SAP130: variants seen among roughly 807,000 people sequenced by gnomAD.
SAP130 encodes Sin3A associated protein 130, also known as histone deacetylase complex subunit SAP130.
Under a neutral mutation model 103.2 loss-of-function variants are expected in SAP130, and 16 were observed. The observed-to-expected ratio is 0.16, with a 90% CI of 0.10 to 0.24. The LOEUF (loss-of-function observed/expected upper bound fraction) is 0.24. Ranked by LOEUF, SAP130 falls within the 10% of genes least tolerant of loss-of-function variation. The pLI is 1.00. For synonymous variants in SAP130, 477 were observed against 497.0 expected, an observed-to-expected ratio of 0.96 and a Z score of 0.53; for missense variants, 990 against 1,359.7, an observed-to-expected ratio of 0.73 and a Z score of 4.28.
chr2:127,954,227 A>G (rs1679679016), intron 16 of SAP130, among the ~76,000 whole-genome samples: 2 of 152,218 alleles, frequency 1.3e-5, no homozygotes, highest in South Asian at 4.1e-4. Context: ...GAATAAATAA[A>G]CAGTAGATTA....
chr2:127,968,283 G>C (rs745935273), intron 15 of SAP130, among the ~76,000 whole-genome samples: 3 of 151,712 alleles, frequency 2.0e-5, no homozygotes, highest in African/African-American at 7.3e-5. Context: ...CTAATTTTTT[G>C]TATTTTTAGT....
At position 127,942,296 on chromosome 2, in the gene SAP130, A is replaced by T. The variant is rs562732138; in HGVS notation, c.3015+128T>A. 3 of 1,099,608 alleles carry T rather than the reference A, an allele frequency of 2.7e-6. No individual in the cohort carries two copies. Among genetic ancestry groups the T allele is most frequent in the African/African-American group, 3.1e-5 (2 of 64,106 alleles). 68.1% of individuals were successfully genotyped at this position (1,099,608 alleles called of 1,614,324 possible). A position where few individuals can be genotyped will look rare whatever the true frequency, so the allele number is the denominator to read the frequency against. On this transcript the variant is annotated intron_variant, in intron 20 of 20. Coordinates refer to ENST00000643581, the MANE Select transcript of SAP130 (RefSeq NM_001330301.2). This position sits in a 1 kb window ranked among gnomAD's most constrained non-coding sequence, Gnocchi z 4.8. ...AGAAAATGTCTTTTTGTTTCTCAGG[A>T]GTGCAGGCTGAAGCACGTATGTTTT... is the stretch of plus-strand genomic sequence containing the variant.
At chr2:127,957,646 A>T (rs1170832989) in intron 15 of SAP130, among the ~76,000 whole-genome samples, 1 of 152,026 alleles carries the variant, frequency 6.6e-6, no homozygotes, top group Non-Finnish European at 1.5e-5. Context: ...ACTGAACTCC[A>T]GCCACAACAG....
chr2:128,016,625 C>T, intron 3 of SAP130, 78 bp from the exon 4 acceptor site: 4 of 1,463,802 alleles, frequency 2.7e-6, no homozygotes, highest in Admixed American at 2.3e-5. Context: ...TAAGAGTGCA[C>T]AAATCGAACC....
At chr2:127,957,309 CAAAAGTGTAAA>C (rs1679909316) in intron 15 of SAP130, among the ~76,000 whole-genome samples, 1 of 151,732 alleles carries the variant, frequency 6.6e-6, no homozygotes, top group Non-Finnish European at 1.5e-5. Flanking sequence ...TTCTGGAATA[CAAAAGTGTAAA>C]GGCTGAAAGG....
Position 128,014,857 on chromosome 2 carries a change from G to A in SAP130, c.565C>T (p.Arg189Cys), listed in dbSNP as rs749337799. The A allele has an allele frequency of 6.8e-6, 11 of 1,614,034 alleles. No individual in the cohort carries two copies. Among genetic ancestry groups the A allele is most frequent in the South Asian group, 1.1e-5 (1 of 91,090 alleles). ...AGAGGGGGCCCAGGAGCATTGCTGC[G>A]GATGATAGACATTTGCACATTTGTA... The part of the protein sequence containing the change: ...MTTNVQMSII[R>C]SNAPGPPLHI... Residue 189 changes from arginine to cysteine, a missense_variant, in exon 5 of 21, where the codon CGC (arginine) becomes TGC (cysteine). Coordinates refer to ENST00000643581, the MANE Select transcript of SAP130 (RefSeq NM_001330301.2).
intron 15 of SAP130, among the ~76,000 whole-genome samples, chr2:127,962,123 A>G (rs1373198718): frequency 6.6e-6 from 1 of 152,194 alleles, no homozygotes; most frequent in Admixed American, 6.5e-5. Flanking sequence ...AAGGGTTATA[A>G]CAGTTTGCAC....
chr2:127,980,752 G>A (rs953222326), intron 14 of SAP130, among the ~76,000 whole-genome samples: 2 of 151,908 alleles, frequency 1.3e-5, no homozygotes, highest in Non-Finnish European at 2.9e-5. Flanking sequence ...GAGACCAGCC[G>A]GGGCAACATG....
rs147211610 is a variant in SAP130, at chr2:127,947,764, C to CTGTGTGTGTGAGTGTGTGTGTGTGTG, written c.2797+2104_2797+2105insCACACACACACACACTCACACACACA. ...TGAATTAATTTTGTATTGTGTGTGT[C>CTGTGTGTGTGAGTGTGTGTGTGTGTG]TGTGTGTGTGTGTGTGTGTGTGTGT... is the stretch of plus-strand genomic sequence containing the variant. On this transcript the variant is annotated intron_variant, in intron 18 of 20. Transcript: ENST00000643581. 1.4e-3 allele frequency among the ~76,000 whole-genome samples: 201 copies of CTGTGTGTGTGAGTGTGTGTGTGTGTG among 143,410 alleles called. 3 individuals are homozygous for CTGTGTGTGTGAGTGTGTGTGTGTGTG. The highest frequency in any genetic ancestry group is 6.3e-3 in the South Asian group (28 of 4,446). 94.1% of individuals were successfully genotyped at this position (143,410 alleles called of 152,430 possible).
At chr2:127,997,973 G>T (rs889549881) in intron 10 of SAP130, among the ~76,000 whole-genome samples, 3 of 152,012 alleles carry the variant, frequency 2.0e-5, no homozygotes, top group African/African-American at 7.3e-5. Flanking sequence ...AATCAGCCAG[G>T]CGTGGTGGTA....
rs974823839 is a variant in SAP130 at position 127,989,223 on chromosome 2, C to T, written c.1780+341G>A. Among the ~76,000 whole-genome samples, 3 of 151,840 alleles carry T rather than the reference C, an allele frequency of 2.0e-5. No homozygotes were observed. Among genetic ancestry groups the T allele is most frequent in the African/African-American group, 4.8e-5 (2 of 41,338 alleles). ...ACGCCATTCTCTCGCCTCAGCCTCC[C>T]GAGTAGCTAGGACTACAGGCCCCCG... On this transcript the variant is annotated intron_variant, in intron 13 of 20. Coordinates refer to ENST00000643581, the MANE Select transcript of SAP130 (RefSeq NM_001330301.2). The surrounding 1 kb of genome is among the most constrained non-coding windows in gnomAD (Gnocchi z 4.6).
chr2:127,962,561 A>C (rs1680332467), intron 15 of SAP130, among the ~76,000 whole-genome samples: 1 of 152,196 alleles, frequency 6.6e-6, no homozygotes, highest in Non-Finnish European at 1.5e-5. Flanking sequence ...AAAAATGATG[A>C]GTTCATGTCC....
Position 127,953,650 on chromosome 2 carries a change from T to A in SAP130, c.2422+1336A>T, listed in dbSNP as rs1304759488. ...TGCTATATTTTGAGCACATCACGCATGCTCCTATCTCAAGATTTTTGTACT... is the reference window on the plus strand; with the variant it reads ...TGCTATATTTTGAGCACATCACGCAAGCTCCTATCTCAAGATTTTTGTACT... On this transcript the variant is annotated intron_variant, in intron 16 of 20. Transcript: ENST00000643581. This position sits in a 1 kb window ranked among gnomAD's most constrained non-coding sequence, Gnocchi z 4.0. 6.6e-6 allele frequency among the ~76,000 whole-genome samples: 1 copy of A among 152,162 alleles called. No homozygotes were observed. The highest frequency in any genetic ancestry group is 2.4e-5 in the African/African-American group (1 of 41,446).
chr2:127,951,373 C>G (rs1428116664), intron 16 of SAP130, among the ~76,000 whole-genome samples: 1 of 152,174 alleles, frequency 6.6e-6, no homozygotes, highest in African/African-American at 2.4e-5. Flanking sequence ...CCACTCCCAA[C>G]AGTCATACCC....
At position 127,942,051 on chromosome 2, in the gene SAP130, C is replaced by G. The variant is rs990607318; in HGVS notation, c.3129G>C (p.Gly1043=). The G allele has an allele frequency of 1.2e-6, 2 of 1,609,082 alleles. No homozygotes were observed. The highest frequency in any genetic ancestry group is 1.4e-5 in the African/African-American group (1 of 73,896). ...TCAATTTGGACACTTTTTTGACAGT[C>G]CCGTTCTTGTTAAGCAGCTTCAGGA... ...DRVLKLLNKN[G]TVKKVSKLKR... The change falls in exon 21 of 21, where the codon GGG becomes GGC. Residue 1043 remains glycine, a synonymous_variant. Coordinates refer to ENST00000643581, the MANE Select transcript of SAP130 (RefSeq NM_001330301.2). This position sits in a 1 kb window ranked among gnomAD's most constrained non-coding sequence, Gnocchi z 4.8.
chr2:128,010,330 T>C lies in SAP130; in HGVS notation c.808A>G (p.Thr270Ala), dbSNP rs754684622. The change falls in exon 7 of 21, where the codon ACC becomes GCC. Residue 270 changes from threonine to alanine, a missense_variant. Coordinates refer to ENST00000643581, the MANE Select transcript of SAP130 (RefSeq NM_001330301.2). The stretch of plus-strand genomic sequence containing the variant: ...GTGATGACTGGAGACTGAGCTCTGG[T>C]GGCTGAGACAGTTGCTACCACAGCA... ...PPAVVATVSATRAQSPVITTT... is the reference protein window; with the variant it reads ...PPAVVATVSAARAQSPVITTT... 3 of 1,614,044 alleles carry C rather than the reference T, an allele frequency of 1.9e-6. No individual in the cohort carries two copies. The highest frequency in any genetic ancestry group is 3.3e-5 in the Admixed American group (2 of 60,006).
At chr2:128,000,962 A>T (rs1186075686) in intron 7 of SAP130, among the ~76,000 whole-genome samples, 4 of 152,194 alleles carry the variant, frequency 2.6e-5, no homozygotes, top group Non-Finnish European at 5.9e-5. Context: ...AATATACTAT[A>T]AATTTACATG....
chr2:128,026,402 G>A, intron 1 of SAP130, 104 bp from the exon 2 acceptor site: 1 of 707,026 alleles, frequency 1.4e-6, no homozygotes, highest in Non-Finnish European at 2.5e-6. Context: ...CCTTGGAAAA[G>A]CAAATGCTGC....
Position 127,955,438 on chromosome 2 carries a change from T to G in SAP130, c.2064-94A>C. On this transcript the variant is annotated intron_variant, in intron 15 of 20. Coordinates refer to ENST00000643581, the MANE Select transcript of SAP130 (RefSeq NM_001330301.2). The surrounding 1 kb of genome is among the most constrained non-coding windows in gnomAD (Gnocchi z 4.9). ...GGATGAGTATTTGTCCAATTATTTC[T>G]GTCCAGCACACTGCACAATTTATAC... 1 of 807,652 alleles carries G rather than the reference T, an allele frequency of 1.2e-6. No individual in the cohort carries two copies. The highest frequency in any genetic ancestry group is 2.0e-6 in the Non-Finnish European group (1 of 507,764). 50.0% of individuals were successfully genotyped at this position (807,652 alleles called of 1,614,324 possible).
Sources: gnomAD v4.1 joint callset for allele counts (sites outside exome capture counted in the v4.1 genomes callset) on GRCh38, gnomAD v4.1.1 for gene constraint, Gnocchi (gnomAD v3.1) non-coding constraint, MANE v1.5 for transcripts, NCBI Gene and HGNC (gene_info 2026-07-23, HGNC 2026-07-21) for gene names.